The following KDM6A variants were observed in gnomAD, a reference collection of about 807,000 sequenced individuals.
KDM6A encodes lysine demethylase 6A.
In KDM6A, 11 loss-of-function variants were observed where a neutral mutation model predicts 117.6. The ratio of observed to expected loss-of-function variants is 0.09; its 90% CI spans 0.06 to 0.15. The LOEUF (loss-of-function observed/expected upper bound fraction) is 0.15, where lower values mean the gene tolerates loss of function less well. KDM6A is among the 10% of genes least tolerant of loss of function. KDM6A has a pLI of 1.00. For synonymous variants in KDM6A, 384 were observed against 396.1 expected, an observed-to-expected ratio of 0.97 and a Z score of 0.36; for missense variants, 799 against 1,077.3, an observed-to-expected ratio of 0.74 and a Z score of 3.62.
intron 5 of KDM6A, 50 bp downstream of exon 5, chrX:45,011,069 T>G (rs1211468481): frequency 1.1e-6 from 1 of 946,912 alleles, no homozygotes; most frequent in East Asian, 3.1e-5. Flanking sequence ...AAATGGCTTG[T>G]TTGCTTGTTT....
chrX:45,103,835 A>G (rs923403931), intron 27 of KDM6A, among the ~76,000 whole-genome samples: 2 of 111,613 alleles, frequency 1.8e-5, no homozygotes, highest in South Asian at 3.7e-4. Flanking sequence ...CGAAACAACT[A>G]AAAACAGGGA....
At chrX:45,032,731 G>T (rs1032884491) in intron 6 of KDM6A, among the ~76,000 whole-genome samples, 1 of 111,518 alleles carries the variant, frequency 9.0e-6, no homozygotes, top group African/African-American at 3.3e-5. Context: ...GATTATAGGC[G>T]TGAGCTACTG....
chrX:45,037,670 C>G lies in KDM6A; in HGVS notation c.635C>G (p.Ala212Gly), dbSNP rs772620986. ...TCCTTTGCAGTTCAATTTCACATTG[C>G]CCACTTATATGAAACCCAGGTAAGT... The part of the protein sequence containing the change: ...LSNAEIQFHI[A>G]HLYETQRKYH... The change falls in exon 8 of 30, where the codon GCC (alanine) becomes GGC (glycine). Residue 212 changes from alanine (A) to glycine (G), a missense_variant. Ala to Gly is a moderately conservative substitution (Grantham distance 60). Around this residue, in one of 8 missense-constraint regions of KDM6A, gnomAD observed 63 missense variants for 68.2 expected, o/e 0.92. Coordinates refer to ENST00000611820, the MANE Select transcript of KDM6A (RefSeq NM_001291415.2). 1 of 1,203,354 alleles carries G rather than the reference C, an allele frequency of 8.3e-7. No individual in the cohort carries two copies. The highest frequency in any genetic ancestry group is 1.8e-5 in the South Asian group (1 of 56,746).
chrX:45,050,677 A>G (rs1385233114), intron 8 of KDM6A, among the ~76,000 whole-genome samples: 2 of 111,543 alleles, frequency 1.8e-5, no homozygotes, highest in Admixed American at 1.9e-4. Flanking sequence ...TATGTTTTAC[A>G]GGTAATATTT....
chrX:45,104,304 C>T (rs754129565), intron 27 of KDM6A, among the ~76,000 whole-genome samples: 130 of 112,613 alleles, frequency 1.2e-3, no homozygotes, highest in African/African-American at 4.1e-3. Context: ...ATTACAGGCG[C>T]GAGCCACCGC....
At chrX:45,051,942 T>A (rs2043874339) in intron 9 of KDM6A, 140 bp downstream of exon 9, 2 of 438,178 alleles carry the variant, frequency 4.6e-6, no homozygotes, top group Non-Finnish European at 8.1e-6. Context: ...AGCATATTTG[T>A]ATCCTCTGCC....
At chrX:45,097,010 A>G (rs1391400197) in intron 27 of KDM6A, among the ~76,000 whole-genome samples, 1 of 112,119 alleles carries the variant, frequency 8.9e-6, no homozygotes, top group African/African-American at 3.2e-5. Context: ...TATATACACC[A>G]TGGATTACTA....
chrX:44,999,411 T>C (rs1476920476), intron 4 of KDM6A, among the ~76,000 whole-genome samples: 1 of 110,523 alleles, frequency 9.0e-6, no homozygotes, highest in Non-Finnish European at 1.9e-5. Flanking sequence ...TTAATTCTGA[T>C]TGGCTAAAGA....
At position 45,108,869 on chromosome X, in the gene KDM6A, A is replaced by C. The variant is rs751379017; in HGVS notation, c.4162-1210A>C. On this transcript the variant is annotated intron_variant, in intron 28 of 29. Coordinates refer to ENST00000611820, the MANE Select transcript of KDM6A (RefSeq NM_001291415.2). ...TCATTCTCAGTAAACTATCGCAAGA[A>C]CAAAAAACCAAACACCGCACATTCT... is the stretch of plus-strand genomic sequence containing the variant. Among the ~76,000 whole-genome samples the C allele has an allele frequency of 8.1e-3, 815 of 100,779 alleles. 11 individuals carry two copies. The highest frequency in any genetic ancestry group is 0.028 in the African/African-American group (779 of 27,496). 87.5% of individuals were successfully genotyped at this position (100,779 alleles called of 115,157 possible).
At chrX:44,990,265 A>G (rs1466718667) in intron 4 of KDM6A, among the ~76,000 whole-genome samples, 1 of 111,921 alleles carries the variant, frequency 8.9e-6, no homozygotes. Context: ...GTCGCTGGGC[A>G]CAGTGTCTCA....
intron 14 of KDM6A, 26 bp downstream of exon 14, chrX:45,060,790 T>A (rs1374349219): frequency 1.0e-6 from 1 of 996,791 alleles, no homozygotes; most frequent in East Asian, 4.7e-5. Flanking sequence ...AAATAGAAAA[T>A]CCCAGTCAAA....
At chrX:44,984,189 T>G (rs1343081174) in intron 4 of KDM6A, among the ~76,000 whole-genome samples, 1 of 110,646 alleles carries the variant, frequency 9.0e-6, no homozygotes, top group Non-Finnish European at 1.9e-5. Context: ...TCATGTGTCT[T>G]TTGGCTGCAT....
intron 2 of KDM6A, among the ~76,000 whole-genome samples, chrX:44,935,071 A>G (rs1207548839): frequency 9.0e-6 from 1 of 111,242 alleles, no homozygotes; most frequent in Non-Finnish European, 1.9e-5. Flanking sequence ...GGATACATGC[A>G]GTACTTACTT....
chrX:44,940,776 C>G (rs1382281767), intron 2 of KDM6A, among the ~76,000 whole-genome samples: 1 of 111,985 alleles, frequency 8.9e-6, no homozygotes, highest in African/African-American at 3.2e-5. Flanking sequence ...TGACTCACGC[C>G]TGTAATTCCA....
chrX:44,895,369 C>G (rs189435000), intron 2 of KDM6A, among the ~76,000 whole-genome samples: 3 of 106,967 alleles, frequency 2.8e-5, no homozygotes, highest in African/African-American at 1.0e-4. Flanking sequence ...CTGCCCGCCT[C>G]GGCCTCCCAA....
chrX:45,069,548 T>A, intron 17 of KDM6A, 31 bp from the exon 18 acceptor site: 1 of 1,174,091 alleles, frequency 8.5e-7, no homozygotes, highest in Non-Finnish European at 1.2e-6. Flanking sequence ...TTGCTTAATA[T>A]TAGATTTAAA....
chrX:44,963,483 G>GTGTGTGTCTGTC (rs1481840859), intron 3 of KDM6A, among the ~76,000 whole-genome samples: 351 of 40,856 alleles, frequency 8.6e-3, no homozygotes, highest in Middle Eastern at 0.026. Context: ...GTGTGTGTGT[G>GTGTGTGTCTGTC]TGTCTGTCTG....
chrX:45,054,438 A>G (rs1189246288), intron 10 of KDM6A, among the ~76,000 whole-genome samples: 1 of 112,039 alleles, frequency 8.9e-6, no homozygotes, highest in Non-Finnish European at 1.9e-5. Flanking sequence ...TCACAGTTAT[A>G]CTTGAAATCT....
chrX:45,000,147 G>T (rs1489407869), intron 4 of KDM6A, among the ~76,000 whole-genome samples: 1 of 111,980 alleles, frequency 8.9e-6, no homozygotes, highest in African/African-American at 3.3e-5. Flanking sequence ...CCAGCCATCT[G>T]GCTAGTTGCC....
Sources: gnomAD v4.1 joint callset for allele counts (sites outside exome capture counted in the v4.1 genomes callset) on GRCh38, gnomAD v4.1.1 for gene constraint, gnomAD v4.1.1 regional missense constraint, MANE v1.5 for transcripts, NCBI Gene and HGNC (gene_info 2026-07-23, HGNC 2026-07-21) for gene names.